RCN1: variants seen among roughly 807,000 people sequenced by gnomAD.
The protein encoded by RCN1 is reticulocalbin-1.
A neutral mutation model predicts 34.7 loss-of-function variants in RCN1; 14 were observed. The ratio of observed to expected loss-of-function variants is 0.40; its 90% CI spans 0.27 to 0.63. The LOEUF is 0.63. Ranked by LOEUF, RCN1 falls within the 30% of genes least tolerant of loss-of-function variation. The pLI is 0.37. For synonymous variants in RCN1, 125 were observed against 165.5 expected (o/e 0.76, Z 1.88); for missense variants, 326 against 425.1 (o/e 0.77, Z 2.05).
rs553074502 is a variant in RCN1, at chr11:32,099,113, T to C, written c.627+585T>C. Among the ~76,000 whole-genome samples, 3 of 151,674 alleles carry C rather than the reference T, an allele frequency of 2.0e-5. No individual in the cohort carries two copies. In the East Asian group the frequency reaches 5.8e-4, roughly 29 times the overall value. On this transcript the variant is annotated intron_variant, in intron 3 of 5. Transcript: ENST00000054950. ...GGCAGGCGGATCATGAGGTCAGGAG[T>C]TTGAAACCAGCCTGGCCAATATGTT...
At chr11:32,092,737 A>G (rs990972119) in intron 1 of RCN1, among the ~76,000 whole-genome samples, 27 of 152,084 alleles carry the variant, frequency 1.8e-4, no homozygotes, top group African/African-American at 6.3e-4. Flanking sequence ...AGTCCTGCCT[A>G]TTGGGCACCA....
rs754431727 is a variant in RCN1, at chr11:32,097,351, C to T, written c.448+14C>T. The T allele has an allele frequency of 6.6e-7, 1 of 1,519,450 alleles. No individual in the cohort carries two copies. The highest frequency in any genetic ancestry group is 2.4e-5 in the Admixed American group (1 of 42,548). The allele number at this position is 1,519,450 out of a possible 1,614,324, so 94.1% of individuals were successfully genotyped here. On this transcript the variant is annotated intron_variant, in intron 2 of 5. Coordinates refer to ENST00000054950, the MANE Select transcript of RCN1 (RefSeq NM_002901.4). ...GTTACTACCTAGGTAAGAGGTGCTG[C>T]AGGAGCGATGACACAGTGGGGGCCC... is the stretch of plus-strand genomic sequence containing the variant.
intron 4 of RCN1, among the ~76,000 whole-genome samples, chr11:32,100,993 A>T (rs555126841): frequency 2.6e-5 from 4 of 152,248 alleles, no homozygotes; most frequent in African/African-American, 9.6e-5. Flanking sequence ...GACTGGGTCA[A>T]TGGAGCCTAG....
chr11:32,102,939 C>T, intron 4 of RCN1: 2 of 455,430 alleles, frequency 4.4e-6, no homozygotes, highest in South Asian at 3.3e-5. Flanking sequence ...AGGGCTTTTA[C>T]ATCAAAATGG....
At chr11:32,091,570 AT>A (rs1345742889) in intron 1 of RCN1, 120 bp downstream of exon 1, 4 of 1,317,838 alleles carry the variant, frequency 3.0e-6, no homozygotes, top group Non-Finnish European at 4.1e-6. Flanking sequence ...GGCCTCGAGG[AT>A]GGGGCCCTGC....
At chr11:32,100,629 T>C in intron 4 of RCN1, 21 bp downstream of exon 4, 5 of 1,606,752 alleles carry the variant, frequency 3.1e-6, no homozygotes, top group Non-Finnish European at 4.3e-6. Flanking sequence ...ACCTAGAGTC[T>C]TGCTCAGCTG....
chr11:32,094,617 G>C (rs1230692698), intron 1 of RCN1, among the ~76,000 whole-genome samples: 1 of 152,212 alleles, frequency 6.6e-6, no homozygotes, highest in East Asian at 1.9e-4. Flanking sequence ...ATTTATTCAT[G>C]CAACAAACAC....
rs1240996384 is a variant in RCN1 at position 32,097,132 on chromosome 11, TTTG to T, written c.255-10_255-8del. The T allele has an allele frequency of 1.4e-6, 2 of 1,451,582 alleles. No individual in the cohort carries two copies. Among genetic ancestry groups the T allele is most frequent in the Non-Finnish European group, 1.8e-6 (2 of 1,104,958 alleles). The allele number at this position is 1,451,582 out of a possible 1,614,324, so 89.9% of individuals were successfully genotyped here. On this transcript the variant is annotated splice_polypyrimidine_tract_variant and intron_variant, in intron 1 of 5. Transcript: ENST00000054950. Reference sequence around the variant, plus strand: ...GTGTGTGGGTTTCTTTTTTTTTTTTTTTGTACTGCAGGAAGATTGTTGATCGAA... The same window carrying T: ...GTGTGTGGGTTTCTTTTTTTTTTTTTTACTGCAGGAAGATTGTTGATCGAA...
In RCN1 at chr11:32,098,439, C is replaced by T; in HGVS notation, c.538C>T (p.Leu180Phe). The T allele has an allele frequency of 6.2e-7, 1 of 1,614,028 alleles. No homozygotes were observed. Among genetic ancestry groups the T allele is most frequent in the Non-Finnish European group, 8.5e-7 (1 of 1,179,928 alleles). The stretch of plus-strand genomic sequence containing the variant: ...TGAGAGAAGATTCAAAGCTGCAGAC[C>T]TCAATGGTGACCTGACAGCTACTCG... The part of the protein sequence containing the change: ...RDERRFKAAD[L>F]NGDLTATREE... The change falls in exon 3 of 6, where the codon CTC (leucine) becomes TTC (phenylalanine). Residue 180 changes from leucine (L) to phenylalanine (F), a missense_variant. Physicochemically the swap from Leu to Phe is conservative, Grantham distance 22. Transcript: ENST00000054950.
intron 4 of RCN1, 65 bp from the exon 5 acceptor site, chr11:32,103,216 T>TA (rs1466666460): frequency 1.4e-6 from 2 of 1,477,264 alleles, no homozygotes; most frequent in South Asian, 2.3e-5. Context: ...AAGTTTGTTT[T>TA]ATGGGGGTGG....
At chr11:32,099,371 C>G (rs1852010189) in intron 3 of RCN1, among the ~76,000 whole-genome samples, 1 of 151,708 alleles carries the variant, frequency 6.6e-6, no homozygotes, top group African/African-American at 2.4e-5. Context: ...ACTAGCTAGT[C>G]TCTGCCCCAT....
intron 1 of RCN1, 140 bp downstream of exon 1, chr11:32,091,590 G>A: frequency 9.0e-7 from 1 of 1,114,090 alleles, no homozygotes; most frequent in Non-Finnish European, 1.2e-6. Context: ...GCCCAACTCG[G>A]CGCTGGGGCT....
intron 4 of RCN1, chr11:32,101,921 G>A (rs1217234108): frequency 2.6e-5 from 4 of 152,180 alleles, no homozygotes; most frequent in African/African-American, 9.7e-5. Context: ...CAGCCCTCCG[G>A]AACTGTGCAT....
intron 1 of RCN1, among the ~76,000 whole-genome samples, chr11:32,094,226 C>T (rs555607529): frequency 6.6e-6 from 1 of 152,238 alleles, no homozygotes; most frequent in East Asian, 1.9e-4. Flanking sequence ...AACTTTGTCA[C>T]CATCACCTGT....
rs780275887 is a variant in RCN1, at chr11:32,104,509, A to C, written c.*37A>C. 1.9e-6 allele frequency: 2 copies of C among 1,046,060 alleles called. No individual in the cohort carries two copies. The highest frequency in any genetic ancestry group is 3.1e-5 in the African/African-American group (2 of 65,168). 64.8% of individuals were successfully genotyped at this position (1,046,060 alleles called of 1,614,324 possible). A position where few individuals can be genotyped will look rare whatever the true frequency, so the allele number is the denominator to read the frequency against. ...CAGAATATGGCAGACTGTCATAGGCATTCTGTTATTGTCTTGGATTGTTGC... is the reference window on the plus strand; with the variant it reads ...CAGAATATGGCAGACTGTCATAGGCCTTCTGTTATTGTCTTGGATTGTTGC... On this transcript the variant is annotated 3_prime_UTR_variant, in exon 6 of 6. Transcript: ENST00000054950.
In RCN1 at chr11:32,104,905, G is replaced by C. The variant is rs2133479523; in HGVS notation, c.*433G>C. 5.7e-6 allele frequency: 1 copy of C among 175,652 alleles called. No homozygotes were observed. Among genetic ancestry groups the C allele is most frequent in the Non-Finnish European group, 1.4e-5 (1 of 73,536 alleles). The allele number at this position is 175,652 out of a possible 1,614,324, so 10.9% of individuals were successfully genotyped here. A position where few individuals can be genotyped will look rare whatever the true frequency, so the allele number is the denominator to read the frequency against. On this transcript the variant is annotated 3_prime_UTR_variant, in exon 6 of 6. Transcript: ENST00000054950. ...TAAATAGTTGGAAAGGGGAAATTCT[G>C]ATTAAGCGAAAGTGGTATCATCCTA...
At position 32,098,547 on chromosome 11, in the gene RCN1, C is replaced by A; in HGVS notation, c.627+19C>A. 6.3e-7 allele frequency: 1 copy of A among 1,586,000 alleles called. No homozygotes were observed. Among genetic ancestry groups the A allele is most frequent in the South Asian group, 1.2e-5 (1 of 86,036 alleles). On this transcript the variant is annotated intron_variant, in intron 3 of 5. Coordinates refer to ENST00000054950, the MANE Select transcript of RCN1 (RefSeq NM_002901.4). ...GGTTTTGGTAAGATAAGTGAAGAGT[C>A]TGGGCTGGGAAGAGACCAGGGAGAA...
intron 4 of RCN1, 83 bp from the exon 5 acceptor site, chr11:32,103,198 A>G (rs780184213): frequency 1.3e-4 from 158 of 1,258,234 alleles, no homozygotes; most frequent in Non-Finnish European, 1.7e-4. Flanking sequence ...CCTAAAGCTC[A>G]GGAGGTCAAG....
intron 4 of RCN1, chr11:32,102,700 T>A: frequency 3.9e-6 from 1 of 257,276 alleles, no homozygotes. Flanking sequence ...AGTGACCATG[T>A]TCCTGTGCAG....
Sources: allele counts gnomAD v4.1 joint callset (sites outside exome capture counted in the v4.1 genomes callset), GRCh38; gene constraint gnomAD v4.1.1; transcripts MANE v1.5; gene names NCBI Gene and HGNC (gene_info 2026-07-23, HGNC 2026-07-21).